MBD5: variants seen among roughly 807,000 people sequenced by gnomAD.
MBD5 encodes the protein methyl-CpG-binding domain protein 5.
Under a neutral mutation model 117.3 loss-of-function variants are expected in MBD5, and 13 were observed. That is an observed-to-expected ratio of 0.11 (90% CI 0.07 to 0.18). The LOEUF (loss-of-function observed/expected upper bound fraction) is 0.18. Ranked by LOEUF, MBD5 falls within the 10% of genes least tolerant of loss-of-function variation. The probability of loss-of-function intolerance (pLI) is 1.00; values close to 1 mark genes in which losing one functional copy is unlikely to be tolerated. For synonymous variants in MBD5, 727 were observed against 766.4 expected (o/e 0.95, Z 0.85); for missense variants, 1,879 against 2,093.8 (o/e 0.90, Z 2.00).
In MBD5 at chr2:148,469,307, C is replaced by A. The variant is rs771716070; in HGVS notation, c.1364C>A (p.Ala455Glu). ...GGGACTGGAATTGGAAGGATTGAGGCATCGCCCCAAAGATCACGCTCATCT... is the reference window on the plus strand; with the variant it reads ...GGGACTGGAATTGGAAGGATTGAGGAATCGCCCCAAAGATCACGCTCATCT... ...MMGTGIGRIE[A>E]SPQRSRSSST... Residue 455 changes from alanine (A) to glutamate (E), a missense_variant, in exon 8 of 14, where the codon GCA becomes GAA. By Grantham distance (107) the Ala-to-Glu change is moderately radical. This residue lies in a region of MBD5 where 1,666 missense variants were observed against 1,792.2 expected (regional missense o/e 0.93). Coordinates refer to ENST00000642680, the MANE Select transcript of MBD5 (RefSeq NM_001378120.1). The A allele has an allele frequency of 6.2e-7, 1 of 1,613,904 alleles. No homozygotes were observed. The highest frequency in any genetic ancestry group is 8.5e-7 in the Non-Finnish European group (1 of 1,179,956).
At chr2:148,495,044 G>A (rs1380482336) in intron 11 of MBD5, among the ~76,000 whole-genome samples, 1 of 152,200 alleles carries the variant, frequency 6.6e-6, no homozygotes, top group African/African-American at 2.4e-5. Flanking sequence ...ACTGGTGCAA[G>A]TTTCTTTCTG....
chr2:148,154,221 G>A (rs1245937341), intron 1 of MBD5, among the ~76,000 whole-genome samples: 1 of 151,824 alleles, frequency 6.6e-6, no homozygotes, highest in Non-Finnish European at 1.5e-5. Flanking sequence ...GTCTGCCCCT[G>A]CTGGGGGGTG....
At chr2:148,208,275 AG>A (rs1699334248) in intron 2 of MBD5, among the ~76,000 whole-genome samples, 1 of 152,072 alleles carries the variant, frequency 6.6e-6, no homozygotes, top group Non-Finnish European at 1.5e-5. Context: ...TTTTGAAAAT[AG>A]GGTCTTACTC....
At chr2:148,335,009 A>G (rs1702751285) in intron 3 of MBD5, among the ~76,000 whole-genome samples, 1 of 152,176 alleles carries the variant, frequency 6.6e-6, no homozygotes, top group Non-Finnish European at 1.5e-5. Context: ...AACAATAACT[A>G]GTAGTCATAT....
At chr2:148,345,650 CATAT>C in intron 4 of MBD5, among the ~76,000 whole-genome samples, 1 of 137,460 alleles carries the variant, frequency 7.3e-6, no homozygotes, top group Non-Finnish European at 1.6e-5. Flanking sequence ...TACACGTATA[CATAT>C]ACATATGTAT....
Position 148,490,380 on chromosome 2 carries a change from C to G in MBD5, c.4748C>G (p.Pro1583Arg). The change falls in exon 11 of 14, where the codon CCT (proline) becomes CGT (arginine). Residue 1583 changes from proline (P) to arginine (R), a missense_variant. Pro to Arg is a moderately radical substitution (Grantham distance 103). Coordinates refer to ENST00000642680, the MANE Select transcript of MBD5 (RefSeq NM_001378120.1). ...GCCAAAAGCGTTAATGGGTGTGTGC[C>G]TAGCCCTTCAGATGCTAAAAGCATT... The part of the protein sequence containing the change: ...FNAKSVNGCV[P>R]SPSDAKSISS... 6.2e-7 allele frequency: 1 copy of G among 1,614,132 alleles called. No individual in the cohort carries two copies.
At position 148,117,229 on chromosome 2, in the gene MBD5, T is replaced by G. The variant is rs550460466; in HGVS notation, c.-924-61471T>G. Among the ~76,000 whole-genome samples the G allele has an allele frequency of 2.0e-5, 3 of 152,018 alleles. No individual in the cohort carries two copies. In the South Asian group the frequency reaches 6.2e-4, roughly 32 times the overall value. On this transcript the variant is annotated intron_variant, in intron 1 of 13. Transcript: ENST00000642680. ...TAGAATGTGGAAGCATCTTTAGAGA[T>G]TATGACGAAAAGTTAGATAGCTATA...
At chr2:148,503,004 C>A (rs1465654187) in intron 12 of MBD5, 2 of 172,464 alleles carry the variant, frequency 1.2e-5, no homozygotes, top group South Asian at 2.7e-4. Context: ...GGAATTACAA[C>A]AAGAAGTTGA....
chr2:148,105,696 A>T (rs527526718), intron 1 of MBD5, among the ~76,000 whole-genome samples: 2 of 151,614 alleles, frequency 1.3e-5, no homozygotes, highest in East Asian at 3.9e-4. Flanking sequence ...TCATTAATTT[A>T]TCTTATTTTG....
At chr2:148,337,551 T>C (rs1702829455) in intron 3 of MBD5, among the ~76,000 whole-genome samples, 1 of 152,164 alleles carries the variant, frequency 6.6e-6, no homozygotes, top group African/African-American at 2.4e-5. Context: ...TCTGGAAGGA[T>C]GTATGAAAGT....
At chr2:148,454,101 T>C (rs1056649630) in intron 4 of MBD5, among the ~76,000 whole-genome samples, 16 of 152,258 alleles carry the variant, frequency 1.1e-4, no homozygotes, top group African/African-American at 3.6e-4. Flanking sequence ...TATATACATT[T>C]ATCACAAAAT....
chr2:148,086,255 A>G (rs968471809), intron 1 of MBD5, among the ~76,000 whole-genome samples: 1 of 151,886 alleles, frequency 6.6e-6, no homozygotes, highest in African/African-American at 2.4e-5. Flanking sequence ...AGAGAGAGAT[A>G]TTTGTATACC....
intron 4 of MBD5, among the ~76,000 whole-genome samples, chr2:148,405,644 T>G (rs1384656722): frequency 1.3e-5 from 2 of 152,216 alleles, no homozygotes; most frequent in East Asian, 3.9e-4. Flanking sequence ...GACTGAATCT[T>G]AGATTATGTA....
intron 2 of MBD5, among the ~76,000 whole-genome samples, chr2:148,214,919 T>C (rs1226428307): frequency 6.6e-6 from 1 of 152,190 alleles, no homozygotes; most frequent in African/African-American, 2.4e-5. Context: ...CATATGAAAT[T>C]ACTGGTAAGG....
At chr2:148,338,061 C>T (rs1198807608) in intron 3 of MBD5, among the ~76,000 whole-genome samples, 3 of 152,256 alleles carry the variant, frequency 2.0e-5, no homozygotes, top group East Asian at 3.9e-4. Flanking sequence ...ATTTTACTTA[C>T]AAGAATTTTT....
At chr2:148,144,309 G>A (rs1402266425) in intron 1 of MBD5, among the ~76,000 whole-genome samples, 1 of 151,720 alleles carries the variant, frequency 6.6e-6, no homozygotes, top group African/African-American at 2.4e-5. Context: ...TTTTTTTCTT[G>A]TAAATTTGTT....
chr2:148,151,383 G>A lies in MBD5; in HGVS notation c.-924-27317G>A, dbSNP rs548077911. 1.4e-4 allele frequency among the ~76,000 whole-genome samples: 22 copies of A among 152,166 alleles called. No homozygotes were observed. In the South Asian group the frequency reaches 2.1e-3, roughly 14 times the overall value. On this transcript the variant is annotated intron_variant, in intron 1 of 13. Transcript: ENST00000642680. ...GGATTTTTGCATCAATGTTCATCAA[G>A]GATATTGGTCTAAAATTCTCTTTTT...
At chr2:148,054,625 C>G (rs146972606) in intron 1 of MBD5, 1 of 152,276 alleles carries the variant, frequency 6.6e-6, no homozygotes, top group African/African-American at 2.4e-5. Flanking sequence ...TACATGATCA[C>G]TTTTACAGTC....
chr2:148,194,973 A>G (rs1698938369), intron 2 of MBD5, among the ~76,000 whole-genome samples: 1 of 152,210 alleles, frequency 6.6e-6, no homozygotes, highest in Admixed American at 6.5e-5. Flanking sequence ...TTTTATTAAA[A>G]GGACACATTA....
Sources: allele counts gnomAD v4.1 joint callset (sites outside exome capture counted in the v4.1 genomes callset), GRCh38; gene constraint gnomAD v4.1.1; regional missense constraint gnomAD v4.1.1; transcripts MANE v1.5; gene names NCBI Gene and HGNC (gene_info 2026-07-23, HGNC 2026-07-21).